MYCBP2: variants seen among roughly 807,000 people sequenced by gnomAD.
The protein encoded by MYCBP2 is E3 ubiquitin-protein ligase MYCBP2.
In MYCBP2, 120 loss-of-function variants were observed where a neutral mutation model predicts 525.3. The observed-to-expected ratio is 0.23, with a 90% confidence interval of 0.20 to 0.27. The LOEUF (loss-of-function observed/expected upper bound fraction) is 0.27. Among genes scored for constraint, MYCBP2 ranks in the 10% least tolerant of loss-of-function variants. MYCBP2 has a pLI of 1.00. For missense variants in MYCBP2, 4,149 were observed against 5,657.1 expected, an observed-to-expected ratio of 0.73 and a Z score of 8.55; for synonymous variants, 1,894 against 1,955.8, an observed-to-expected ratio of 0.97 and a Z score of 0.83.
chr13:77,129,967 A>C (rs1365143548), intron 52 of MYCBP2, among the ~76,000 whole-genome samples: 1 of 151,912 alleles, frequency 6.6e-6, no homozygotes, highest in Non-Finnish European at 1.5e-5. Context: ...CTCTAAGTTT[A>C]AGTCTAAAAA....
chr13:77,294,127 T>TATATATATATATAC lies in MYCBP2; in HGVS notation c.378+2471_378+2472insGTATATATATATAT, dbSNP rs1350132831. Among the ~76,000 whole-genome samples the TATATATATATATAC allele has an allele frequency of 1.7e-3, 105 of 60,850 alleles. 4 individuals are homozygous for TATATATATATATAC. The highest frequency in any genetic ancestry group is 8.6e-3 in the South Asian group (17 of 1,976). 39.9% of individuals were successfully genotyped at this position (60,850 alleles called of 152,430 possible). A position where few individuals can be genotyped will look rare whatever the true frequency, so the allele number is the denominator to read the frequency against. ...GGCTATATATATATATATATATATA[T>TATATATATATATAC]ATACATATATATATACATATATATA... On this transcript the variant is annotated intron_variant, in intron 2 of 82. Coordinates refer to ENST00000544440, the MANE Select transcript of MYCBP2 (RefSeq NM_015057.5).
intron 38 of MYCBP2, 58 bp downstream of exon 38, chr13:77,171,434 C>A: frequency 1.3e-6 from 2 of 1,538,934 alleles, no homozygotes; most frequent in Non-Finnish European, 1.8e-6. Context: ...TAATTCTATG[C>A]AAAAATTTAG....
chr13:77,074,274 T>C (rs969856407), intron 68 of MYCBP2, among the ~76,000 whole-genome samples: 1 of 152,160 alleles, frequency 6.6e-6, no homozygotes, highest in Non-Finnish European at 1.5e-5. Context: ...TGAACATCTA[T>C]ATGCAAAAGA....
Position 77,062,715 on chromosome 13 carries a change from T to C in MYCBP2, c.12673-18A>G, listed in dbSNP as rs2039517639. The C allele has an allele frequency of 1.9e-6, 3 of 1,599,144 alleles. No individual in the cohort carries two copies. The East Asian group carries it at 6.7e-5, about 36-fold the overall frequency. Reference sequence around the variant, plus strand: ...AGCCAGAGCTGTTGAAAGGGAAGGCTGTTACACCACTGAATTTTTAGGAAA... The same window carrying C: ...AGCCAGAGCTGTTGAAAGGGAAGGCCGTTACACCACTGAATTTTTAGGAAA... On this transcript the variant is annotated intron_variant, in intron 73 of 82. Transcript: ENST00000544440.
chr13:77,171,939 C>T (rs560344705), intron 37 of MYCBP2, among the ~76,000 whole-genome samples: 6 of 152,230 alleles, frequency 3.9e-5, no homozygotes, highest in East Asian at 1.9e-4. Flanking sequence ...CTTGCTCTGT[C>T]GCCCAGGCTG....
At chr13:77,233,510 A>G (rs2067428303) in intron 17 of MYCBP2, among the ~76,000 whole-genome samples, 1 of 151,742 alleles carries the variant, frequency 6.6e-6, no homozygotes, top group African/African-American at 2.4e-5. Context: ...TACTCATAAA[A>G]TTATTGTGTA....
chr13:77,111,583 A>ATT (rs33938909), intron 55 of MYCBP2, among the ~76,000 whole-genome samples: 1 of 147,352 alleles, frequency 6.8e-6, no homozygotes, highest in Non-Finnish European at 1.5e-5. Flanking sequence ...TGCTTGGCTA[A>ATT]TTTTTTTTTT....
intron 69 of MYCBP2, among the ~76,000 whole-genome samples, 192 bp downstream of exon 69, chr13:77,070,439 C>T (rs572157423): frequency 2.2e-4 from 34 of 151,408 alleles, no homozygotes; most frequent in African/African-American, 7.5e-4. Context: ...TTTAGTTCAT[C>T]AGCTATTGTT....
chr13:77,171,795 T>A (rs2059167636), intron 37 of MYCBP2, among the ~76,000 whole-genome samples, 161 bp from the exon 38 acceptor site: 1 of 152,164 alleles, frequency 6.6e-6, no homozygotes, highest in African/African-American at 2.4e-5. Flanking sequence ...TGATAAGGGC[T>A]TTGAAGAAAA....
chr13:77,101,377 C>A (rs1365337666), intron 55 of MYCBP2, among the ~76,000 whole-genome samples: 1 of 152,048 alleles, frequency 6.6e-6, no homozygotes, highest in Non-Finnish European at 1.5e-5. Context: ...CAGCTGCATG[C>A]AAAGGAATGG....
intron 47 of MYCBP2, among the ~76,000 whole-genome samples, chr13:77,149,405 A>G (rs1431706286): frequency 6.6e-6 from 1 of 151,402 alleles, no homozygotes; most frequent in Non-Finnish European, 1.5e-5. Flanking sequence ...TTTTTAAGTA[A>G]GTGCTCCAGA....
chr13:77,177,491 G>A (rs890674153), intron 35 of MYCBP2, among the ~76,000 whole-genome samples: 9 of 151,640 alleles, frequency 5.9e-5, no homozygotes, highest in Non-Finnish European at 8.8e-5. Flanking sequence ...ACAGGCGTGC[G>A]TTGTATTTTT....
intron 1 of MYCBP2, among the ~76,000 whole-genome samples, chr13:77,319,308 G>T (rs2081322823): frequency 6.6e-6 from 1 of 152,102 alleles, no homozygotes; most frequent in Non-Finnish European, 1.5e-5. Context: ...CACTTCTGCA[G>T]GCCCAGAGGG....
In MYCBP2 at chr13:77,243,949, A is replaced by T. The variant is rs1439388175; in HGVS notation, c.2384T>A (p.Ile795Asn). The T allele has an allele frequency of 1.4e-6, 2 of 1,480,444 alleles. No homozygotes were observed. The highest frequency in any genetic ancestry group is 2.5e-5 in the Admixed American group (1 of 39,268). The allele number at this position is 1,480,444 out of a possible 1,614,324, so 91.7% of individuals were successfully genotyped here. ...AGATTCTCCGGAACCACAACCACAGATCCTAGGGGGAAATACAAAAAAAAA... is the reference window on the plus strand; with the variant it reads ...AGATTCTCCGGAACCACAACCACAGTTCCTAGGGGGAAATACAAAAAAAAA... Reference protein sequence around the residue: ...SGRPDRVPGGICGCGSGESGC... With the variant: ...SGRPDRVPGGNCGCGSGESGC... The change falls in exon 16 of 83, where the codon ATC becomes AAC. Residue 795 changes from isoleucine to asparagine, a missense_variant and splice_region_variant. By Grantham distance (149) the Ile-to-Asn change is moderately radical. This residue lies in a region of MYCBP2 where 620 missense variants were observed against 795.5 expected (regional missense o/e 0.78). Coordinates refer to ENST00000544440, the MANE Select transcript of MYCBP2 (RefSeq NM_015057.5).
Position 77,097,530 on chromosome 13 carries a change from T to C in MYCBP2, c.9624A>G (p.Glu3208=). 1.2e-6 allele frequency: 2 copies of C among 1,612,604 alleles called. No homozygotes were observed. The highest frequency in any genetic ancestry group is 1.7e-6 in the Non-Finnish European group (2 of 1,179,422). The change falls in exon 56 of 83, where the codon GAA becomes GAG. Residue 3208 remains glutamate, a synonymous_variant. Transcript: ENST00000544440. The part of the protein sequence containing the change: ...CEKENKKSKK[E]KKKKEKAEVR... ...CTTCTGCCTTTTCTTTTTTCTTTTTTTCCTTTTTGGACTTCTTATTCTCTT... is the reference window on the plus strand; with the variant it reads ...CTTCTGCCTTTTCTTTTTTCTTTTTCTCCTTTTTGGACTTCTTATTCTCTT...
intron 17 of MYCBP2, among the ~76,000 whole-genome samples, chr13:77,237,384 G>A (rs2068077701): frequency 6.6e-6 from 1 of 152,022 alleles, no homozygotes; most frequent in Admixed American, 6.5e-5. Flanking sequence ...TTTTAATAGA[G>A]TAAGATATTA....
intron 3 of MYCBP2, among the ~76,000 whole-genome samples, chr13:77,280,083 A>C (rs1312292682): frequency 6.6e-6 from 1 of 152,256 alleles, no homozygotes; most frequent in Non-Finnish European, 1.5e-5. Flanking sequence ...TTGTTTGCTA[A>C]AAAACCACTG....
At chr13:77,254,934 T>C (rs1410607467) in intron 14 of MYCBP2, among the ~76,000 whole-genome samples, 1 of 152,006 alleles carries the variant, frequency 6.6e-6, no homozygotes, top group African/African-American at 2.4e-5. Context: ...CAATATTTCA[T>C]TCTTTTTTAG....
intron 28 of MYCBP2, 54 bp from the exon 29 acceptor site, chr13:77,190,389 G>A: frequency 9.9e-7 from 1 of 1,009,668 alleles, no homozygotes; most frequent in Non-Finnish European, 1.5e-6. Context: ...CAGGAAATAA[G>A]AAATTTAAGA....
Sources: allele counts gnomAD v4.1 joint callset (sites outside exome capture counted in the v4.1 genomes callset), GRCh38; gene constraint gnomAD v4.1.1; regional missense constraint gnomAD v4.1.1; transcripts MANE v1.5; gene names NCBI Gene and HGNC (gene_info 2026-07-23, HGNC 2026-07-21).